IFT122: variants seen among roughly 807,000 people sequenced by gnomAD.
The protein encoded by IFT122 is intraflagellar transport protein 122 homolog.
IFT122 carries 118 observed loss-of-function variants against 161.6 expected under a neutral mutation model. That is an observed-to-expected ratio of 0.73 (90% CI 0.63 to 0.85). The LOEUF (loss-of-function observed/expected upper bound fraction) is 0.85. Among genes scored for constraint, IFT122 ranks in the 40% least tolerant of loss-of-function variants. IFT122 has a pLI of 0.00. For synonymous variants in IFT122, 550 were observed against 602.4 expected (o/e 0.91, Z 1.27); for missense variants, 1,381 against 1,579.6 (o/e 0.87, Z 2.13).
intron 6 of IFT122, among the ~76,000 whole-genome samples, chr3:129,464,219 C>G (rs2076475118): frequency 6.6e-6 from 1 of 152,180 alleles, no homozygotes; most frequent in African/African-American, 2.4e-5. Flanking sequence ...TTCCGTTCAG[C>G]ATCTGTTGAG....
chr3:129,456,123 G>A, intron 3 of IFT122: 1 of 550,442 alleles, frequency 1.8e-6, no homozygotes, highest in Non-Finnish European at 3.2e-6. Flanking sequence ...GGAAATGAAA[G>A]CTCTTCAGTA....
chr3:129,485,056 G>T (rs1320615955), intron 15 of IFT122, among the ~76,000 whole-genome samples: 1 of 152,184 alleles, frequency 6.6e-6, no homozygotes, highest in Non-Finnish European at 1.5e-5. Flanking sequence ...GCATTTTATT[G>T]TGTCTTGTGG....
intron 3 of IFT122, among the ~76,000 whole-genome samples, chr3:129,453,899 A>T (rs1335986793): frequency 6.6e-6 from 1 of 152,224 alleles, no homozygotes; most frequent in Admixed American, 6.5e-5. Flanking sequence ...CCCCAACCCA[A>T]CACCAGAGTT....
chr3:129,458,802 G>GGT, intron 4 of IFT122, 125 bp downstream of exon 4: 2 of 746,658 alleles, frequency 2.7e-6, no homozygotes, highest in South Asian at 1.5e-5. Context: ...TTAAGTTGTG[G>GGT]GTGTGTGTGG....
intron 9 of IFT122, among the ~76,000 whole-genome samples, chr3:129,470,865 G>A (rs949799041): frequency 2.0e-5 from 3 of 152,210 alleles, no homozygotes; most frequent in African/African-American, 7.2e-5. Flanking sequence ...CTGCCACCAC[G>A]CCTGGCTGGA....
chr3:129,445,776 C>G (rs2073919152), intron 1 of IFT122, among the ~76,000 whole-genome samples: 1 of 152,208 alleles, frequency 6.6e-6, no homozygotes, highest in Non-Finnish European at 1.5e-5. Context: ...GTAATAATTC[C>G]TACCTCACAG....
chr3:129,517,338 C>T, intron 26 of IFT122, 131 bp from the exon 27 acceptor site: 1 of 1,138,826 alleles, frequency 8.8e-7, no homozygotes, highest in Admixed American at 2.0e-5. Flanking sequence ...GAGACTGCCC[C>T]TGCTGCCTCT....
chr3:129,466,287 T>C (rs1374045850), intron 7 of IFT122, among the ~76,000 whole-genome samples: 2 of 152,124 alleles, frequency 1.3e-5, no homozygotes, highest in African/African-American at 4.8e-5. Context: ...GAATAATTTT[T>C]TTTGGCCCAT....
At chr3:129,487,173 A>G (rs956518900) in intron 15 of IFT122, among the ~76,000 whole-genome samples, 1 of 152,276 alleles carries the variant, frequency 6.6e-6, no homozygotes, top group African/African-American at 2.4e-5. Context: ...CCAGGAAGCC[A>G]GGAGAGATGC....
intron 23 of IFT122, among the ~76,000 whole-genome samples, chr3:129,511,190 G>A (rs2082779728): frequency 6.6e-6 from 1 of 152,224 alleles, no homozygotes; most frequent in Admixed American, 6.5e-5. Context: ...GGACTCCCCT[G>A]CTACCTATTC....
chr3:129,492,421 G>A (rs983159213), intron 17 of IFT122, among the ~76,000 whole-genome samples: 3 of 152,160 alleles, frequency 2.0e-5, no homozygotes, highest in South Asian at 2.1e-4. Flanking sequence ...CATGGGTTCC[G>A]GATCTCTCCA....
At chr3:129,488,638 T>G (rs2079613482) in intron 16 of IFT122, among the ~76,000 whole-genome samples, 1 of 151,832 alleles carries the variant, frequency 6.6e-6, no homozygotes, top group Non-Finnish European at 1.5e-5. Context: ...GCTGTGAGGA[T>G]CAAATGGGAG....
At chr3:129,483,716 G>A (rs1316932315) in intron 15 of IFT122, 34 bp downstream of exon 15, 11 of 1,552,778 alleles carry the variant, frequency 7.1e-6, no homozygotes, top group African/African-American at 1.4e-5. Flanking sequence ...CTTAGCACTG[G>A]CAAGGCTGAC....
Position 129,451,841 on chromosome 3 carries a change from A to G in IFT122, c.109-73A>G, listed in dbSNP as rs2074895986. The G allele has an allele frequency of 7.2e-6, 9 of 1,252,922 alleles. No individual in the cohort carries two copies. The South Asian group carries it at 1.1e-4, about 15-fold the overall frequency. The allele number at this position is 1,252,922 out of a possible 1,614,324, so 77.6% of individuals were successfully genotyped here. A position where few individuals can be genotyped will look rare whatever the true frequency, so the allele number is the denominator to read the frequency against. On this transcript the variant is annotated intron_variant, in intron 2 of 29. Transcript: ENST00000348417. ...CACGTATTGTTATAAAAACAAAAAT[A>G]GCAGTAGCAACCCTGCAGGAATTCT... is the stretch of plus-strand genomic sequence containing the variant.
rs370899043 is a variant in IFT122 at position 129,506,591 on chromosome 3, C to T, written c.2791+42C>T. 18 of 1,613,310 alleles carry T rather than the reference C, an allele frequency of 1.1e-5. No individual in the cohort carries two copies. The African/African-American group carries it at 2.3e-4, about 20-fold the overall frequency. ...CAGACCACTGTTTTCCCAAGCCCCA[C>T]TCTGACACCAAGATAAACATCAGAA... is the stretch of plus-strand genomic sequence containing the variant. On this transcript the variant is annotated intron_variant, in intron 22 of 29. Transcript: ENST00000348417.
rs1048830398 is a variant in IFT122 at position 129,463,604 on chromosome 3, A to G, written c.394A>G (p.Ser132Gly). ...EQKSVSKHKSSSKIICCSWTN... is the reference protein window; with the variant it reads ...EQKSVSKHKSGSKIICCSWTN... ...GAAGTCTGTCTCCAAACACAAATCA[A>G]GCAGCAAGATCATCTGCTGCAGGTA... Residue 132 changes from serine (S) to glycine (G), a missense_variant, in exon 6 of 30, where the codon AGC becomes GGC. Transcript: ENST00000348417. The G allele has an allele frequency of 3.1e-6, 5 of 1,613,950 alleles. No homozygotes were observed. The Admixed American group carries it at 8.3e-5, about 27-fold the overall frequency.
chr3:129,506,894 T>C (rs2082246680), intron 22 of IFT122, among the ~76,000 whole-genome samples: 3 of 152,188 alleles, frequency 2.0e-5, no homozygotes, highest in Admixed American at 2.0e-4. Context: ...AGAGATGGCT[T>C]TACAGTAACA....
chr3:129,464,739 G>T lies in IFT122; in HGVS notation c.521G>T (p.Gly174Val). Residue 174 changes from glycine (G) to valine (V), a missense_variant, in exon 7 of 30, where the codon GGC becomes GTC. Physicochemically the swap from Gly to Val is moderately radical, Grantham distance 109. This residue lies in a region of IFT122 where 544 missense variants were observed against 648.0 expected (regional missense o/e 0.84). Transcript: ENST00000348417. Reference protein sequence around the residue: ...EEKVKIERPGGSLSPIWSICW... With the variant: ...EEKVKIERPGVSLSPIWSICW... Reference sequence around the variant, plus strand: ...AAAGTAAAGATCGAGCGGCCGGGGGGCTCCCTCTCGCCAATATGGTCCATC... The same window carrying T: ...AAAGTAAAGATCGAGCGGCCGGGGGTCTCCCTCTCGCCAATATGGTCCATC... 1 of 1,614,096 alleles carries T rather than the reference G, an allele frequency of 6.2e-7. No individual in the cohort carries two copies. Among genetic ancestry groups the T allele is most frequent in the East Asian group, 2.2e-5 (1 of 44,868 alleles).
At chr3:129,451,060 C>T (rs1455214677) in intron 2 of IFT122, among the ~76,000 whole-genome samples, 3 of 151,940 alleles carry the variant, frequency 2.0e-5, no homozygotes, top group Non-Finnish European at 4.4e-5. Context: ...TGATAGATGT[C>T]ACATGGCTAT....
Sources: gnomAD v4.1 joint callset for allele counts (sites outside exome capture counted in the v4.1 genomes callset) on GRCh38, gnomAD v4.1.1 for gene constraint, gnomAD v4.1.1 regional missense constraint, MANE v1.5 for transcripts, NCBI Gene and HGNC (gene_info 2026-07-23, HGNC 2026-07-21) for gene names.